The following WDR37 variants were observed in gnomAD, a reference collection of about 807,000 sequenced individuals.
WDR37 encodes WD repeat domain 37.
In WDR37, 19 loss-of-function variants were observed where a neutral mutation model predicts 62.9. The ratio of observed to expected loss-of-function variants is 0.30; its 90% CI spans 0.21 to 0.44. The LOEUF (loss-of-function observed/expected upper bound fraction) is 0.44, where lower values mean the gene tolerates loss of function less well. WDR37 is among the 20% of genes least tolerant of loss of function. WDR37 has a pLI of 1.00. For synonymous variants in WDR37, 250 were observed against 260.9 expected, an observed-to-expected ratio of 0.96 and a Z score of 0.40; for missense variants, 474 against 657.6, an observed-to-expected ratio of 0.72 and a Z score of 3.05.
chr10:1,065,709 AT>A (rs1833517449), intron 1 of WDR37, among the ~76,000 whole-genome samples: 1 of 152,250 alleles, frequency 6.6e-6, no homozygotes, highest in African/African-American at 2.4e-5. Flanking sequence ...CTACAAAAAA[AT>A]CTATAGCTGG....
intron 7 of WDR37, 36 bp from the exon 8 acceptor site, chr10:1,093,416 C>T (rs1834466470): frequency 6.4e-7 from 1 of 1,557,540 alleles, no homozygotes; most frequent in African/African-American, 1.4e-5. Flanking sequence ...GTTTTTGTCA[C>T]TTTAAACCTG....
chr10:1,117,436 A>G (rs1315282354), intron 11 of WDR37, among the ~76,000 whole-genome samples: 1 of 152,148 alleles, frequency 6.6e-6, no homozygotes, highest in East Asian at 1.9e-4. Flanking sequence ...TCTCTGTTTT[A>G]CCCTTTTAAA....
At chr10:1,093,641 G>A (rs1589101494) in intron 8 of WDR37, 145 bp downstream of exon 8, 1 of 720,076 alleles carries the variant, frequency 1.4e-6, no homozygotes, top group East Asian at 2.7e-5. Context: ...AATGAGAAAT[G>A]GATAAAGGAA....
At chr10:1,080,158 T>C in intron 4 of WDR37, 52 bp downstream of exon 4, 1 of 1,598,808 alleles carries the variant, frequency 6.3e-7, no homozygotes, top group East Asian at 2.2e-5. Context: ...ATGCAGGAAA[T>C]TTGGAATTTA....
At chr10:1,126,360 C>T (rs532352534) in intron 13 of WDR37, among the ~76,000 whole-genome samples, 126 of 149,544 alleles carry the variant, frequency 8.4e-4, no homozygotes, top group East Asian at 4.1e-3. Context: ...GAGCTGAGAT[C>T]GCGCCACTGC....
chr10:1,067,365 G>A (rs2127605), intron 1 of WDR37, among the ~76,000 whole-genome samples: 1 of 151,930 alleles, frequency 6.6e-6, no homozygotes, highest in Non-Finnish European at 1.5e-5. Context: ...AGGAGAAAAT[G>A]TTTGGCCCCT....
intron 7 of WDR37, 114 bp from the exon 8 acceptor site, chr10:1,093,338 A>G: frequency 1.3e-6 from 1 of 796,596 alleles, no homozygotes; most frequent in Non-Finnish European, 2.0e-6. Flanking sequence ...AGGATCAAAT[A>G]TTGAACTCAT....
At chr10:1,126,143 C>T (rs116774015) in intron 13 of WDR37, among the ~76,000 whole-genome samples, 2,955 of 152,234 alleles carry the variant, frequency 0.019, 92 homozygotes, top group African/African-American at 0.067. Context: ...CAGTGGCTGA[C>T]GCCTGTAATC....
chr10:1,077,950 T>G lies in WDR37; in HGVS notation c.182T>G (p.Leu61Arg). The stretch of plus-strand genomic sequence containing the variant: ...TCGGTTCGCAGTACACTTCTGGAAC[T>G]GTTTGGTCAAATAGAAAGAGAATTT... ...PSSVRSTLLE[L>R]FGQIEREFEN... Residue 61 changes from leucine to arginine, a missense_variant, in exon 3 of 14, where the codon CTG (leucine) becomes CGG (arginine). Physicochemically the swap from Leu to Arg is moderately radical, Grantham distance 102 (BLOSUM62 -2). Coordinates refer to ENST00000263150, the MANE Select transcript of WDR37 (RefSeq NM_014023.4). 1.2e-6 allele frequency: 2 copies of G among 1,612,202 alleles called. No individual in the cohort carries two copies. The highest frequency in any genetic ancestry group is 1.1e-5 in the South Asian group (1 of 90,734).
intron 11 of WDR37, among the ~76,000 whole-genome samples, chr10:1,112,743 C>T (rs976653639): frequency 2.0e-5 from 3 of 152,226 alleles, no homozygotes; most frequent in African/African-American, 7.2e-5. Context: ...TTCCCTTTAG[C>T]CAAAGCCTAA....
intron 1 of WDR37, among the ~76,000 whole-genome samples, chr10:1,059,352 G>A (rs1408872508): frequency 6.6e-6 from 1 of 152,114 alleles, no homozygotes; most frequent in African/African-American, 2.4e-5. Context: ...CTCCAGCCTG[G>A]GGAGACAGAG....
intron 11 of WDR37, among the ~76,000 whole-genome samples, chr10:1,108,935 G>T (rs1835120517): frequency 6.6e-6 from 1 of 152,236 alleles, no homozygotes; most frequent in Non-Finnish European, 1.5e-5. Flanking sequence ...AGCTTCCTAT[G>T]TGCTTCTGAT....
intron 7 of WDR37, among the ~76,000 whole-genome samples, chr10:1,091,603 G>T (rs940654338): frequency 1.3e-5 from 2 of 152,206 alleles, no homozygotes; most frequent in Non-Finnish European, 2.9e-5. Context: ...GGAAATAAGG[G>T]TTGGTGTCCC....
intron 2 of WDR37, among the ~76,000 whole-genome samples, chr10:1,074,949 G>C (rs535356494): frequency 6.6e-6 from 1 of 152,266 alleles, no homozygotes; most frequent in East Asian, 1.9e-4. Flanking sequence ...CTTCCCGCAC[G>C]TGCGTGCAGG....
intron 7 of WDR37, among the ~76,000 whole-genome samples, chr10:1,088,034 T>C (rs2101050): frequency 0.4 from 60,944 of 152,060 alleles, 12,577 homozygotes; most frequent in African/African-American, 0.49. Context: ...GTGGAGACGG[T>C]GTCTTAAACC....
At chr10:1,085,110 G>A (rs562280507) in intron 6 of WDR37, among the ~76,000 whole-genome samples, 28 of 150,464 alleles carry the variant, frequency 1.9e-4, no homozygotes, top group East Asian at 9.7e-4. Context: ...GACTACAGGC[G>A]CCCGCCACCA....
intron 11 of WDR37, chr10:1,124,008 T>G: frequency 3.4e-6 from 2 of 596,118 alleles, no homozygotes; most frequent in Non-Finnish European, 5.8e-6. Context: ...GAATGGACTG[T>G]GTGTTTCTGA....
intron 9 of WDR37, 96 bp downstream of exon 9, chr10:1,096,342 T>TC (rs1441935693): frequency 8.1e-5 from 113 of 1,399,290 alleles, no homozygotes; most frequent in Non-Finnish European, 1.1e-4. Flanking sequence ...AATGTTTGTG[T>TC]CCCCCCAAGT....
At chr10:1,074,602 G>A in intron 2 of WDR37, 2 of 1,114,330 alleles carry the variant, frequency 1.8e-6, no homozygotes, top group Non-Finnish European at 2.4e-6. Context: ...CCCCTGCCGT[G>A]GGCGGGAGAG....
Sources: allele counts gnomAD v4.1 joint callset (sites outside exome capture counted in the v4.1 genomes callset), GRCh38; gene constraint gnomAD v4.1.1; transcripts MANE v1.5; gene names NCBI Gene and HGNC (gene_info 2026-07-23, HGNC 2026-07-21).